The following THRB variants were observed in gnomAD, a reference collection of about 807,000 sequenced individuals.
THRB encodes thyroid hormone receptor beta, also known as nuclear receptor subfamily 1 group A member 2.
In THRB, 12 loss-of-function variants were observed where a neutral mutation model predicts 47.8. The ratio of observed to expected loss-of-function variants is 0.25; its 90% CI spans 0.16 to 0.41. The LOEUF (loss-of-function observed/expected upper bound fraction) is 0.41. Among genes scored for constraint, THRB ranks in the 10% least tolerant of loss-of-function variants. The pLI, the probability that THRB is intolerant of heterozygous loss-of-function variation, is 1.00. For missense variants in THRB, 348 were observed against 589.2 expected (o/e 0.59, Z 4.24); for synonymous variants, 218 against 212.2 (o/e 1.03, Z -0.24).
intron 1 of THRB, among the ~76,000 whole-genome samples, chr3:24,420,739 C>T (rs917345733): frequency 6.6e-6 from 1 of 151,834 alleles, no homozygotes; most frequent in East Asian, 2.0e-4. Context: ...GGAACACATG[C>T]ACTGTCGGTG....
At chr3:24,165,394 C>G (rs750916772) in intron 5 of THRB, 1 of 727,358 alleles carries the variant, frequency 1.4e-6, no homozygotes, top group African/African-American at 1.7e-5. Context: ...CATATACACA[C>G]AGTCTACGCA....
intron 3 of THRB, among the ~76,000 whole-genome samples, chr3:24,270,959 C>G (rs1177401134): frequency 6.6e-6 from 1 of 152,078 alleles, no homozygotes; most frequent in Non-Finnish European, 1.5e-5. Flanking sequence ...GTGAAAGGCT[C>G]CCCCCCTTTC....
At chr3:24,209,332 A>G (rs938565143) in intron 4 of THRB, among the ~76,000 whole-genome samples, 7 of 152,220 alleles carry the variant, frequency 4.6e-5, no homozygotes, top group African/African-American at 1.7e-4. Flanking sequence ...CTGGGTATAT[A>G]CCCAAAGGAT....
At chr3:24,321,274 G>A (rs1441389481) in intron 2 of THRB, among the ~76,000 whole-genome samples, 4 of 152,086 alleles carry the variant, frequency 2.6e-5, no homozygotes, top group Non-Finnish European at 4.4e-5. Flanking sequence ...TCCATTCAGA[G>A]GAGGCCCAAA....
intron 1 of THRB, among the ~76,000 whole-genome samples, chr3:24,478,699 G>A (rs1483963390): frequency 5.9e-5 from 9 of 152,126 alleles, no homozygotes; most frequent in Non-Finnish European, 1.2e-4. Context: ...GGAGCAGGAG[G>A]TGTGTCAGAA....
At chr3:24,464,468 T>G (rs1041944057) in intron 1 of THRB, among the ~76,000 whole-genome samples, 1 of 152,204 alleles carries the variant, frequency 6.6e-6, no homozygotes, top group African/African-American at 2.4e-5. Flanking sequence ...ATTTTTCCAA[T>G]GTAGCTATTT....
At chr3:24,489,731 A>G (rs1033104435) in intron 1 of THRB, among the ~76,000 whole-genome samples, 2 of 152,228 alleles carry the variant, frequency 1.3e-5, no homozygotes, top group Non-Finnish European at 2.9e-5. Flanking sequence ...ATTAGCATTG[A>G]GCATAGATCA....
chr3:24,247,086 C>A (rs1251482526), intron 3 of THRB, among the ~76,000 whole-genome samples: 3 of 152,198 alleles, frequency 2.0e-5, no homozygotes, highest in Non-Finnish European at 2.9e-5. Flanking sequence ...GCCAACTAGA[C>A]AAAACGTGGC....
At chr3:24,278,357 T>C (rs932221371) in intron 3 of THRB, among the ~76,000 whole-genome samples, 10 of 152,204 alleles carry the variant, frequency 6.6e-5, no homozygotes, top group Non-Finnish European at 1.5e-4. Context: ...TGGTAAGACT[T>C]GCTGAGAAGT....
intron 2 of THRB, among the ~76,000 whole-genome samples, chr3:24,310,887 C>T (rs1358795368): frequency 2.6e-5 from 4 of 152,206 alleles, no homozygotes; most frequent in Non-Finnish European, 4.4e-5. Flanking sequence ...AAGGAACTCT[C>T]TTTCTCATGG....
chr3:24,437,237 A>T (rs1008905683), intron 1 of THRB, among the ~76,000 whole-genome samples: 3 of 151,676 alleles, frequency 2.0e-5, no homozygotes, highest in Admixed American at 6.6e-5. Flanking sequence ...TTGCAGCAAT[A>T]TGGAACAGAA....
At chr3:24,458,778 C>A (rs550272066) in intron 1 of THRB, 1 of 152,160 alleles carries the variant, frequency 6.6e-6, no homozygotes, top group South Asian at 2.1e-4. Context: ...GAACTGCAAA[C>A]CAATAGTCAC....
intron 5 of THRB, among the ~76,000 whole-genome samples, chr3:24,163,155 CTTT>C (rs1201245526): frequency 2.0e-5 from 3 of 152,088 alleles, no homozygotes; most frequent in Non-Finnish European, 4.4e-5. Flanking sequence ...TGGGTACAAC[CTTT>C]TGTCCTAAGA....
chr3:24,194,366 G>A (rs1040643156), intron 4 of THRB, among the ~76,000 whole-genome samples: 12 of 151,884 alleles, frequency 7.9e-5, no homozygotes, highest in Admixed American at 1.3e-4. Flanking sequence ...TTTAAAAAAC[G>A]AGCATTCTAG....
At chr3:24,171,354 TG>T (rs891090822) in intron 5 of THRB, among the ~76,000 whole-genome samples, 1 of 152,174 alleles carries the variant, frequency 6.6e-6, no homozygotes, top group African/African-American at 2.4e-5. Flanking sequence ...GGCAAGCTCC[TG>T]GGACTTCCGG....
At chr3:24,161,904 T>A (rs17014255) in intron 5 of THRB, among the ~76,000 whole-genome samples, 64,283 of 143,110 alleles carry the variant, frequency 0.45, 15,851 homozygotes, top group African/African-American at 0.69. Context: ...ATGATAAGCA[T>A]CTCTGACAAC....
intron 3 of THRB, among the ~76,000 whole-genome samples, chr3:24,274,210 C>A (rs372525760): frequency 1.3e-5 from 2 of 152,164 alleles, no homozygotes; most frequent in Non-Finnish European, 2.9e-5. Context: ...ACTATTATAT[C>A]ACTACCATAA....
At chr3:24,351,969 T>C (rs2063384305) in intron 1 of THRB, among the ~76,000 whole-genome samples, 1 of 152,124 alleles carries the variant, frequency 6.6e-6, no homozygotes, top group Non-Finnish European at 1.5e-5. Flanking sequence ...AAGACACTTT[T>C]TGGAAGAGGA....
intron 1 of THRB, among the ~76,000 whole-genome samples, chr3:24,436,494 C>T (rs2070970171): frequency 6.6e-6 from 1 of 152,102 alleles, no homozygotes; most frequent in African/African-American, 2.4e-5. Context: ...CACACAAATG[C>T]ACACACACTT....
Sources: gnomAD v4.1 joint callset for allele counts (sites outside exome capture counted in the v4.1 genomes callset) on GRCh38, gnomAD v4.1.1 for gene constraint, MANE v1.5 for transcripts, NCBI Gene and HGNC (gene_info 2026-07-23, HGNC 2026-07-21) for gene names.